The following TAMM41 variants were observed in gnomAD, a reference collection of about 807,000 sequenced individuals.
The protein encoded by TAMM41 is phosphatidate cytidylyltransferase, mitochondrial.
TAMM41 carries 36 observed loss-of-function variants against 44.1 expected under a neutral mutation model. The observed-to-expected ratio is 0.82, with a 90% confidence interval of 0.63 to 1.08. TAMM41 has a LOEUF of 1.08. Among genes scored for constraint, TAMM41 ranks in the 50% least tolerant of loss-of-function variants. TAMM41 has a pLI of 0.00. For missense variants in TAMM41, 417 were observed against 404.3 expected (o/e 1.03, Z -0.27); for synonymous variants, 164 against 153.1 (o/e 1.07, Z -0.53).
chr3:11,760,856 C>A, the TAMM41 span, among the ~76,000 whole-genome samples: 1 of 151,916 alleles, frequency 6.6e-6, no homozygotes, highest in African/African-American at 2.4e-5. Flanking sequence ...CCACCACGCT[C>A]GACCAAGTCA....
chr3:11,787,237 C>T (rs1329428863), downstream of TAMM41, among the ~76,000 whole-genome samples: 1 of 152,176 alleles, frequency 6.6e-6, no homozygotes, highest in Non-Finnish European at 1.5e-5. Flanking sequence ...TATATTCTAC[C>T]TGTTAGAAGC....
chr3:11,733,988 G>A, the TAMM41 span, among the ~76,000 whole-genome samples: 1 of 151,968 alleles, frequency 6.6e-6, no homozygotes, highest in African/African-American at 2.4e-5. Context: ...AGAGCATGGA[G>A]AAGGCACACG....
chr3:11,773,556 T>C, the TAMM41 span, among the ~76,000 whole-genome samples: 1 of 152,058 alleles, frequency 6.6e-6, no homozygotes, highest in Non-Finnish European at 1.5e-5. Flanking sequence ...TACCATCAAG[T>C]ACTAGCAGAA....
intron 5 of TAMM41, among the ~76,000 whole-genome samples, chr3:11,810,579 C>T (rs2078056889): frequency 6.6e-6 from 1 of 152,188 alleles, no homozygotes; most frequent in Non-Finnish European, 1.5e-5. Context: ...CACATTATTT[C>T]CCAAGGAAGA....
the TAMM41 span, among the ~76,000 whole-genome samples, chr3:11,753,131 G>C: frequency 3.4e-4 from 52 of 152,070 alleles, no homozygotes; most frequent in African/African-American, 1.2e-3. Context: ...AGGATGCTCA[G>C]CACTGGCTGC....
At chr3:11,738,095 C>T in the TAMM41 span, among the ~76,000 whole-genome samples, 7 of 152,146 alleles carry the variant, frequency 4.6e-5, no homozygotes, top group Admixed American at 2.0e-4. Flanking sequence ...ATGAAAAGGT[C>T]GTTCAGATGA....
At chr3:11,746,359 C>A in the TAMM41 span, among the ~76,000 whole-genome samples, 8 of 149,168 alleles carry the variant, frequency 5.4e-5, no homozygotes, top group Admixed American at 4.7e-4. Flanking sequence ...CAGAAGTGTA[C>A]AGTGAGCTGT....
downstream of TAMM41, among the ~76,000 whole-genome samples, chr3:11,788,382 C>G (rs2124904343): frequency 6.6e-6 from 1 of 152,298 alleles, no homozygotes; most frequent in African/African-American, 2.4e-5. Flanking sequence ...GCAGCCTTGA[C>G]CTCCTGGGCT....
chr3:11,810,839 G>T (rs2078064720), intron 5 of TAMM41: 1 of 151,838 alleles, frequency 6.6e-6, no homozygotes, highest in South Asian at 2.1e-4. Context: ...TGAGGCAGGA[G>T]AATTGCTTGA....
the TAMM41 span, among the ~76,000 whole-genome samples, chr3:11,775,568 TAACTC>T: frequency 8.2e-4 from 125 of 152,362 alleles, no homozygotes; most frequent in African/African-American, 2.9e-3. Flanking sequence ...GGAAGTAACT[TAACTC>T]AGATTCAGAT....
chr3:11,740,930 A>G, the TAMM41 span, among the ~76,000 whole-genome samples: 20 of 144,412 alleles, frequency 1.4e-4, 3 homozygotes, highest in African/African-American at 5.1e-4. Flanking sequence ...GTCAAATATC[A>G]GGGCTCCAGG....
the TAMM41 span, among the ~76,000 whole-genome samples, chr3:11,729,548 T>C: frequency 5.1e-5 from 2 of 39,388 alleles, no homozygotes; most frequent in African/African-American, 3.1e-4. Context: ...CATTTTTTTT[T>C]TTTTTTTTTT....
chr3:11,786,281 TTAATTTTA>T (rs1559259276), downstream of TAMM41, among the ~76,000 whole-genome samples: 38 of 124,258 alleles, frequency 3.1e-4, no homozygotes, highest in African/African-American at 1.0e-3. Context: ...ATTTATTTAT[TTAATTTTA>T]TTATTATTAT....
At chr3:11,793,310 A>G (rs7633719) in intron 7 of TAMM41, among the ~76,000 whole-genome samples, 4,996 of 152,264 alleles carry the variant, frequency 0.033, 234 homozygotes, top group African/African-American at 0.11. Context: ...TAAAAGATCA[A>G]TATGGTACCA....
chr3:11,751,850 G>T, the TAMM41 span, among the ~76,000 whole-genome samples: 2 of 152,154 alleles, frequency 1.3e-5, no homozygotes, highest in African/African-American at 2.4e-5. Context: ...GATAGCCAGG[G>T]GGTTCAGATA....
intron 7 of TAMM41, among the ~76,000 whole-genome samples, chr3:11,795,870 G>A (rs1253067544): frequency 6.6e-6 from 1 of 152,214 alleles, no homozygotes; most frequent in South Asian, 2.1e-4. Flanking sequence ...ATGAAAGGAA[G>A]AGCAGGCAAA....
At chr3:11,836,710 C>T (rs1431605897) in intron 3 of TAMM41, among the ~76,000 whole-genome samples, 4 of 151,464 alleles carry the variant, frequency 2.6e-5, no homozygotes, top group African/African-American at 9.7e-5. Flanking sequence ...GTGATCCACC[C>T]GCCTCAGCCT....
the TAMM41 span, among the ~76,000 whole-genome samples, chr3:11,740,848 G>GA: frequency 3.4e-3 from 1 of 292 alleles, no homozygotes; most frequent in East Asian, 0.045. Context: ...TTACAGGCGT[G>GA]ACGACTGTTC....
the TAMM41 span, among the ~76,000 whole-genome samples, chr3:11,750,139 G>A: frequency 1.7e-3 from 258 of 152,008 alleles, 5 homozygotes; most frequent in East Asian, 0.037. Flanking sequence ...CTCGTGATCC[G>A]CCCGCCTCGG....
Sources: gnomAD v4.1 joint callset for allele counts (sites outside exome capture counted in the v4.1 genomes callset) on GRCh38, gnomAD v4.1.1 for gene constraint, MANE v1.5 for transcripts, NCBI Gene and HGNC (gene_info 2026-07-23, HGNC 2026-07-21) for gene names.